RAB3C: variants seen among roughly 807,000 people sequenced by gnomAD.
RAB3C encodes RAB3C, member RAS oncogene family.
RAB3C carries 17 observed loss-of-function variants against 26.4 expected under a neutral mutation model. That is an observed-to-expected ratio of 0.64 (90% CI 0.44 to 0.97). RAB3C has a LOEUF of 0.97. RAB3C is among the 50% of genes least tolerant of loss of function. The pLI is 0.00. For missense variants in RAB3C, 242 were observed against 281.9 expected (o/e 0.86, Z 1.01); for synonymous variants, 91 against 95.9 (o/e 0.95, Z 0.30).
chr5:58,604,352 G>A (rs944805214), intron 1 of RAB3C, among the ~76,000 whole-genome samples: 2 of 152,216 alleles, frequency 1.3e-5, no homozygotes, highest in Non-Finnish European at 2.9e-5. Flanking sequence ...ACCGGCGGTA[G>A]GCGGGGCCTT....
At chr5:58,685,690 G>A (rs1307509017) in intron 2 of RAB3C, among the ~76,000 whole-genome samples, 2 of 152,094 alleles carry the variant, frequency 1.3e-5, no homozygotes, top group African/African-American at 4.8e-5. Flanking sequence ...CATTTAGTTG[G>A]CATACTTACC....
At chr5:58,596,854 AAT>A (rs1175802113) in intron 1 of RAB3C, among the ~76,000 whole-genome samples, 2 of 86,262 alleles carry the variant, frequency 2.3e-5, no homozygotes, top group Non-Finnish European at 3.9e-5. Flanking sequence ...TATAATACAT[AAT>A]ATATAATATT....
In RAB3C at chr5:58,650,660, ACTC is replaced by A. The variant is rs538084253; in HGVS notation, c.252+32793_252+32795del. ...AGTTGTAAATTATACTAAGGAAACT[ACTC>A]CTGTATAAATACATATGGTCATATT... On this transcript the variant is annotated intron_variant, in intron 2 of 4. Transcript: ENST00000282878. 1.4e-3 allele frequency among the ~76,000 whole-genome samples: 206 copies of A among 152,172 alleles called. 1 individual carries two copies. The highest frequency in any genetic ancestry group is 4.7e-3 in the African/African-American group (194 of 41,528).
intron 2 of RAB3C, among the ~76,000 whole-genome samples, chr5:58,630,448 A>T (rs912895990): frequency 1.3e-5 from 2 of 152,242 alleles, no homozygotes; most frequent in African/African-American, 4.8e-5. Context: ...AATAACAATA[A>T]ACCCATTGTA....
intron 2 of RAB3C, among the ~76,000 whole-genome samples, chr5:58,642,748 C>T (rs902587537): frequency 6.6e-6 from 1 of 152,196 alleles, no homozygotes; most frequent in Non-Finnish European, 1.5e-5. Flanking sequence ...TCACTTCTTC[C>T]TCCCTAGAGA....
chr5:58,782,667 A>G (rs1040311635), intron 3 of RAB3C, among the ~76,000 whole-genome samples: 2 of 152,168 alleles, frequency 1.3e-5, no homozygotes, highest in African/African-American at 4.8e-5. Context: ...TAATAGTGTT[A>G]AAACTTTGCA....
intron 3 of RAB3C, among the ~76,000 whole-genome samples, chr5:58,731,226 G>T (rs963326388): frequency 6.6e-6 from 1 of 151,972 alleles, no homozygotes; most frequent in Non-Finnish European, 1.5e-5. Flanking sequence ...TCTCTTTTTT[G>T]AAAACACATT....
intron 3 of RAB3C, among the ~76,000 whole-genome samples, chr5:58,781,142 C>A (rs773256904): frequency 4.2e-4 from 63 of 151,762 alleles, no homozygotes; most frequent in Admixed American, 9.2e-4. Flanking sequence ...GGAAATCAGT[C>A]AAATAAAAAA....
At chr5:58,600,972 G>T (rs959437840) in intron 1 of RAB3C, among the ~76,000 whole-genome samples, 29 of 152,292 alleles carry the variant, frequency 1.9e-4, no homozygotes, top group South Asian at 1.5e-3. Context: ...TGTTATGTTG[G>T]CTGTGGGTTT....
intron 2 of RAB3C, among the ~76,000 whole-genome samples, chr5:58,630,861 C>T (rs1747173328): frequency 6.6e-6 from 1 of 152,132 alleles, no homozygotes; most frequent in Non-Finnish European, 1.5e-5. Flanking sequence ...TCACAAGGGG[C>T]ACTTCTTTAT....
chr5:58,805,903 C>T (rs2459406), intron 3 of RAB3C, among the ~76,000 whole-genome samples: 65,349 of 151,808 alleles, frequency 0.43, 15,586 homozygotes, highest in Middle Eastern at 0.64. Context: ...AGTCTGTATA[C>T]ATAACCAGGT....
intron 2 of RAB3C, among the ~76,000 whole-genome samples, chr5:58,621,727 C>T (rs1387823884): frequency 2.0e-5 from 3 of 152,118 alleles, no homozygotes; most frequent in Non-Finnish European, 4.4e-5. Context: ...AGGTGTGTGC[C>T]AGCACACCTG....
chr5:58,818,309 G>A (rs554088678), intron 3 of RAB3C, among the ~76,000 whole-genome samples: 2 of 152,280 alleles, frequency 1.3e-5, no homozygotes, highest in Non-Finnish European at 2.9e-5. Context: ...ATTTTATTCT[G>A]TGCAGAGTTC....
At chr5:58,801,024 GAT>G (rs1361988640) in intron 3 of RAB3C, among the ~76,000 whole-genome samples, 1 of 152,112 alleles carries the variant, frequency 6.6e-6, no homozygotes, top group Non-Finnish European at 1.5e-5. Flanking sequence ...TACACAACAG[GAT>G]ATCACTGGGG....
intron 2 of RAB3C, among the ~76,000 whole-genome samples, chr5:58,677,496 G>C (rs1407029745): frequency 6.6e-6 from 1 of 152,104 alleles, no homozygotes; most frequent in Non-Finnish European, 1.5e-5. Context: ...ATAAGACAGG[G>C]GGAAGAATGC....
At chr5:58,609,951 G>A (rs560303102) in intron 1 of RAB3C, among the ~76,000 whole-genome samples, 1 of 152,190 alleles carries the variant, frequency 6.6e-6, no homozygotes, top group South Asian at 2.1e-4. Flanking sequence ...AGAGCAAACA[G>A]TAGCAGATAC....
rs556950790 is a variant in RAB3C at position 58,676,063 on chromosome 5, G to A, written c.253-49939G>A. On this transcript the variant is annotated intron_variant, in intron 2 of 4. Coordinates refer to ENST00000282878, the MANE Select transcript of RAB3C (RefSeq NM_138453.4). ...AGCCTTTTGCCCTTAGACTCATTTC[G>A]AAGAAAAAGTCCCTGTATTTCCCCA... 2.7e-4 allele frequency among the ~76,000 whole-genome samples: 41 copies of A among 152,138 alleles called. No homozygotes were observed. The South Asian group carries it at 6.4e-3, about 24-fold the overall frequency.
At chr5:58,709,402 G>C (rs909826829) in intron 2 of RAB3C, among the ~76,000 whole-genome samples, 2 of 152,136 alleles carry the variant, frequency 1.3e-5, no homozygotes, top group Non-Finnish European at 2.9e-5. Context: ...ACAGAGGCGA[G>C]TCCACAATTC....
chr5:58,624,797 T>C (rs1331608505), intron 2 of RAB3C, among the ~76,000 whole-genome samples: 2 of 152,096 alleles, frequency 1.3e-5, no homozygotes, highest in Non-Finnish European at 2.9e-5. Context: ...GACCTCTCTG[T>C]GTAACCTTGG....
Sources: gnomAD v4.1 joint callset for allele counts (sites outside exome capture counted in the v4.1 genomes callset) on GRCh38, gnomAD v4.1.1 for gene constraint, MANE v1.5 for transcripts, NCBI Gene and HGNC (gene_info 2026-07-23, HGNC 2026-07-21) for gene names.